TENT2: variants seen among roughly 807,000 people sequenced by gnomAD.
TENT2 encodes terminal nucleotidyltransferase 2, also known as poly(A) RNA polymerase GLD2.
A neutral mutation model predicts 72.2 loss-of-function variants in TENT2; 44 were observed. The observed-to-expected ratio is 0.61, with a 90% CI of 0.48 to 0.78. The LOEUF is 0.78. Among genes scored for constraint, TENT2 ranks in the 30% least tolerant of loss-of-function variants. The pLI is 0.00. For synonymous variants in TENT2, 212 were observed against 192.5 expected, an observed-to-expected ratio of 1.10 and a Z score of -0.84; for missense variants, 541 against 569.6, an observed-to-expected ratio of 0.95 and a Z score of 0.51.
At chr5:79,641,678 A>G in intron 6 of TENT2, among the ~76,000 whole-genome samples, 1 of 149,966 alleles carries the variant, frequency 6.7e-6, no homozygotes, top group East Asian at 1.9e-4. Context: ...AATTTAAAAT[A>G]TTTTTCTCTA....
At chr5:79,666,515 T>C (rs1808156724) in intron 11 of TENT2, among the ~76,000 whole-genome samples, 1 of 151,708 alleles carries the variant, frequency 6.6e-6, no homozygotes, top group African/African-American at 2.4e-5. Context: ...GCCCAGCTAA[T>C]CTTTCTATTT....
chr5:79,685,372 G>T lies in TENT2; in HGVS notation c.*99G>T. ...CTCCATCATAGTTGCTTTTTTCATA[G>T]TTCTTGTTTTCATGTTTTATTTTTA... is the stretch of plus-strand genomic sequence containing the variant. On this transcript the variant is annotated 3_prime_UTR_variant, in exon 15 of 15. Coordinates refer to ENST00000453514, the MANE Select transcript of TENT2 (RefSeq NM_001114394.3). 1.3e-6 allele frequency: 1 copy of T among 781,908 alleles called. No individual in the cohort carries two copies. 48.4% of individuals were successfully genotyped at this position (781,908 alleles called of 1,614,324 possible).
chr5:79,664,688 T>C (rs1805916407), intron 11 of TENT2, among the ~76,000 whole-genome samples: 1 of 152,112 alleles, frequency 6.6e-6, no homozygotes. Context: ...TACCTGAATT[T>C]TGAAAACGTA....
At chr5:79,661,876 G>A (rs1803212763) in intron 11 of TENT2, among the ~76,000 whole-genome samples, 1 of 152,184 alleles carries the variant, frequency 6.6e-6, no homozygotes, top group Non-Finnish European at 1.5e-5. Context: ...TTTACGTACA[G>A]TAGAACGTCC....
At chr5:79,662,821 A>G (rs1186710384) in intron 11 of TENT2, among the ~76,000 whole-genome samples, 1 of 152,196 alleles carries the variant, frequency 6.6e-6, no homozygotes, top group Non-Finnish European at 1.5e-5. Context: ...ATTAGCCCCT[A>G]ACAAGAGTCA....
At chr5:79,653,902 A>G (rs1029237784) in intron 10 of TENT2, among the ~76,000 whole-genome samples, 1 of 152,202 alleles carries the variant, frequency 6.6e-6, no homozygotes, top group Non-Finnish European at 1.5e-5. Context: ...CCTGTAACAC[A>G]AACAGTTGGA....
chr5:79,650,703 T>G (rs1014906672), intron 10 of TENT2, among the ~76,000 whole-genome samples: 1 of 152,060 alleles, frequency 6.6e-6, no homozygotes, highest in Admixed American at 6.6e-5. Context: ...AGAAGGCACC[T>G]TTCCTTATGC....
In TENT2 at chr5:79,619,648, C is replaced by T; in HGVS notation, c.-1C>T. The stretch of plus-strand genomic sequence containing the variant: ...CATGTTCACTTCCAGTGAACAAGAG[C>T]ATGTTCCCAAACTCAATTTTGGGTC... On this transcript the variant is annotated 5_prime_UTR_variant, in exon 2 of 15. Transcript: ENST00000453514. The T allele has an allele frequency of 6.2e-7, 1 of 1,612,864 alleles. No individual in the cohort carries two copies. Among genetic ancestry groups the T allele is most frequent in the Non-Finnish European group, 8.5e-7 (1 of 1,179,330 alleles).
chr5:79,664,791 A>T (rs754010755), intron 11 of TENT2, among the ~76,000 whole-genome samples: 1 of 152,192 alleles, frequency 6.6e-6, no homozygotes, highest in African/African-American at 2.4e-5. Context: ...TGTGGCATAT[A>T]CTAAACAGTT....
rs1276841207 is a variant in TENT2, at chr5:79,623,419, G to A, written c.395G>A (p.Cys132Tyr). Residue 132 changes from cysteine (C) to tyrosine (Y), a missense_variant, in exon 4 of 15, where the codon TGT becomes TAT. Coordinates refer to ENST00000453514, the MANE Select transcript of TENT2 (RefSeq NM_001114394.3). Reference sequence around the variant, plus strand: ...CATTATGTACCAGATATAGTCAGATGTGTTCCACCTTTTCGAGAAATTGCA... The same window carrying A: ...CATTATGTACCAGATATAGTCAGATATGTTCCACCTTTTCGAGAAATTGCA... ...HTHYVPDIVR[C>Y]VPPFREIAFL... The A allele has an allele frequency of 3.7e-6, 6 of 1,612,234 alleles. No homozygotes were observed. Among genetic ancestry groups the A allele is most frequent in the Non-Finnish European group, 5.1e-6 (6 of 1,179,142 alleles).
chr5:79,677,213 C>T (rs1817956854), intron 12 of TENT2, among the ~76,000 whole-genome samples: 1 of 152,084 alleles, frequency 6.6e-6, no homozygotes, highest in African/African-American at 2.4e-5. Context: ...AGTAGTGATT[C>T]AAAATATTCT....
rs772556872 is a variant in TENT2, at chr5:79,645,123, C to T, written c.752C>T (p.Ser251Leu). The T allele has an allele frequency of 6.9e-6, 11 of 1,592,444 alleles. No homozygotes were observed. Among genetic ancestry groups the T allele is most frequent in the South Asian group, 3.4e-5 (3 of 87,132 alleles). The change falls in exon 8 of 15, where the codon TCG becomes TTG. Residue 251 changes from serine (S) to leucine (L), a missense_variant and splice_region_variant. Ser to Leu is a moderately radical substitution (Grantham distance 145). Transcript: ENST00000453514. ...LVHKHFCTRL[S>L]GYIERPQLIR... Reference sequence around the variant, plus strand: ...ATTCACATTATCTTTTGTCTTTCAGCGGGCTACATTGAGAGACCTCAGCTG... The same window carrying T: ...ATTCACATTATCTTTTGTCTTTCAGTGGGCTACATTGAGAGACCTCAGCTG...
intron 10 of TENT2, among the ~76,000 whole-genome samples, chr5:79,649,681 C>G (rs952087134): frequency 6.6e-6 from 1 of 152,020 alleles, no homozygotes; most frequent in Admixed American, 6.6e-5. Context: ...TCTGGTTAGT[C>G]ATTGTTTATG....
intron 11 of TENT2, among the ~76,000 whole-genome samples, chr5:79,666,137 C>T (rs370064222): frequency 4.0e-5 from 6 of 150,916 alleles, no homozygotes; most frequent in Non-Finnish European, 8.9e-5. Flanking sequence ...TACAGGCGCC[C>T]GCCACCATGT....
intron 14 of TENT2, among the ~76,000 whole-genome samples, chr5:79,683,769 A>T (rs1233716362): frequency 1.3e-5 from 2 of 150,418 alleles, no homozygotes; most frequent in East Asian, 3.9e-4. Flanking sequence ...AAATACAAAA[A>T]ATTAGCCGGG....
chr5:79,631,620 A>T (rs559117839), intron 4 of TENT2, among the ~76,000 whole-genome samples: 2 of 152,354 alleles, frequency 1.3e-5, no homozygotes, highest in African/African-American at 2.4e-5. Context: ...AAGATTATAC[A>T]CAACTGTTTT....
chr5:79,646,711 A>T (rs551935271), intron 8 of TENT2, among the ~76,000 whole-genome samples: 42 of 151,950 alleles, frequency 2.8e-4, no homozygotes, highest in Non-Finnish European at 5.6e-4. Context: ...ATAGTTACAA[A>T]GGTAGTTTTA....
intron 4 of TENT2, among the ~76,000 whole-genome samples, chr5:79,633,604 C>T (rs192813742): frequency 1.5e-4 from 22 of 151,270 alleles, no homozygotes; most frequent in African/African-American, 4.1e-4. Context: ...TTAGTAGAGA[C>T]GGGGTTTCTC....
intron 6 of TENT2, among the ~76,000 whole-genome samples, chr5:79,642,498 G>A (rs1313076078): frequency 6.6e-6 from 1 of 151,976 alleles, no homozygotes; most frequent in Admixed American, 6.6e-5. Flanking sequence ...TCTAAATAGG[G>A]CTAAAATTCT....
Sources: gnomAD v4.1 joint callset for allele counts (sites outside exome capture counted in the v4.1 genomes callset) on GRCh38, gnomAD v4.1.1 for gene constraint, MANE v1.5 for transcripts, NCBI Gene and HGNC (gene_info 2026-07-23, HGNC 2026-07-21) for gene names.